Variants in MAN2A2 observed in about 807,000 individuals in gnomAD.
MAN2A2 encodes the protein mannosidase alpha class 2A member 2, also known as alpha-mannosidase 2x.
MAN2A2 carries 79 observed loss-of-function variants against 126.8 expected under a neutral mutation model. The ratio of observed to expected loss-of-function variants is 0.62; its 90% CI spans 0.52 to 0.75. The LOEUF (loss-of-function observed/expected upper bound fraction) is 0.75. Ranked by LOEUF, MAN2A2 falls within the 30% of genes least tolerant of loss-of-function variation. The pLI is 0.00. For synonymous variants in MAN2A2, 671 were observed against 618.7 expected (o/e 1.08, Z -1.25); for missense variants, 1,392 against 1,522.4 (o/e 0.91, Z 1.43).
At chr15:90,916,420 C>T in intron 20 of MAN2A2, 164 bp downstream of exon 20, 2 of 1,107,324 alleles carry the variant, frequency 1.8e-6, no homozygotes, top group South Asian at 3.0e-5. Context: ...TTTTGTGTCC[C>T]ATCTCACGCA....
At chr15:90,907,178 ACT>A (rs1202988626) in intron 7 of MAN2A2, 129 bp from the exon 8 acceptor site, 4 of 974,732 alleles carry the variant, frequency 4.1e-6, no homozygotes, top group Non-Finnish European at 6.1e-6. Context: ...TGGCCTACAC[ACT>A]CTCTCCAGCC....
At chr15:90,909,558 T>A (rs2034558823) in intron 9 of MAN2A2, 54 bp downstream of exon 9, 11 of 1,536,254 alleles carry the variant, frequency 7.2e-6, no homozygotes, top group Non-Finnish European at 9.7e-6. Flanking sequence ...GCCCATCCCT[T>A]CCCGTGAGAC....
chr15:90,912,613 G>T lies in MAN2A2; in HGVS notation c.2418G>T (p.Thr806=). The change falls in exon 16 of 23, where the codon ACG becomes ACT. Residue 806 remains threonine (T), a synonymous_variant. Transcript: ENST00000559717. Reference sequence around the variant, plus strand: ...AGGTCCTTGTCTATGGCACCCGTACGTCCAAAGACAAGAGTGGAGCCTACC... The same window carrying T: ...AGGTCCTTGTCTATGGCACCCGTACTTCCAAAGACAAGAGTGGAGCCTACC... ...DMQVLVYGTR[T]SKDKSGAYLF... is the part of the protein sequence containing the mutation. The T allele has an allele frequency of 6.2e-7, 1 of 1,614,188 alleles. No homozygotes were observed. The highest frequency in any genetic ancestry group is 8.5e-7 in the Non-Finnish European group (1 of 1,180,020).
intron 7 of MAN2A2, 77 bp downstream of exon 7, chr15:90,906,990 C>T (rs780132895): frequency 1.4e-5 from 21 of 1,532,644 alleles, no homozygotes; most frequent in Non-Finnish European, 1.8e-5. Flanking sequence ...AGAACTAAGA[C>T]CCCCACTGTT....
chr15:90,912,897 C>T lies in MAN2A2; in HGVS notation c.2490C>T (p.Pro830=). The T allele has an allele frequency of 2.5e-6, 4 of 1,614,040 alleles. No individual in the cohort carries two copies. Among genetic ancestry groups the T allele is most frequent in the South Asian group, 2.2e-5 (2 of 91,086 alleles). The change falls in exon 17 of 23, where the codon CCC becomes CCT. Residue 830 remains proline (P), a synonymous_variant. Transcript: ENST00000559717. Reference sequence around the variant, plus strand: ...TCTAGCCCTACGTCCCCAAGGAGCCCCCCGTGCTGCGTGTCACTGAAGGCC... The same window carrying T: ...TCTAGCCCTACGTCCCCAAGGAGCCTCCCGTGCTGCGTGTCACTGAAGGCC... ...GEAKPYVPKE[P]PVLRVTEGPF...
At chr15:90,906,935 G>A (rs774288639) in intron 7 of MAN2A2, 22 bp downstream of exon 7, 6 of 1,612,286 alleles carry the variant, frequency 3.7e-6, no homozygotes, top group African/African-American at 2.7e-5. Context: ...TAGGGTAGAG[G>A]GGGTTACTGC....
chr15:90,910,669 G>A lies in MAN2A2; in HGVS notation c.1746G>A (p.Val582=), dbSNP rs1012390974. 7.4e-6 allele frequency: 12 copies of A among 1,614,020 alleles called. No homozygotes were observed. Among genetic ancestry groups the A allele is most frequent in the Non-Finnish European group, 9.3e-6 (11 of 1,180,018 alleles). ...GCACGGCCAAGGAGGCTGTGGTGGTGGACTATGGGGTCAGGTGGGAGCCTT... is the reference window on the plus strand; with the variant it reads ...GCACGGCCAAGGAGGCTGTGGTGGTAGACTATGGGGTCAGGTGGGAGCCTT... ...ITGTAKEAVV[V]DYGVRLLRSL... Residue 582 remains valine, a synonymous_variant, in exon 11 of 23, where the codon GTG becomes GTA. Transcript: ENST00000559717.
Position 90,916,209 on chromosome 15 carries a change from T to A in MAN2A2, c.2947T>A (p.Cys983Ser). ...AGGGCTCAAGGACAACAAGAGAACC[T>A]GCAACCGTTTCCGCCTCCTGCTAGA... The part of the protein sequence containing the change: ...GQGLKDNKRT[C>S]NRFRLLLERR... The change falls in exon 20 of 23, where the codon TGC (cysteine) becomes AGC (serine). Residue 983 changes from cysteine to serine, a missense_variant. Physicochemically the swap from Cys to Ser is moderately radical, Grantham distance 112. Coordinates refer to ENST00000559717, the MANE Select transcript of MAN2A2 (RefSeq NM_006122.4). 2 of 1,614,178 alleles carry A rather than the reference T, an allele frequency of 1.2e-6. No homozygotes were observed. Among genetic ancestry groups the A allele is most frequent in the Non-Finnish European group, 8.5e-7 (1 of 1,180,022 alleles).
intron 22 of MAN2A2, 26 bp from the exon 23 acceptor site, chr15:90,919,609 C>T: frequency 6.2e-7 from 1 of 1,612,710 alleles, no homozygotes; most frequent in East Asian, 2.2e-5. Flanking sequence ...CCTAGCACAA[C>T]CCTGCCCCTT....
At position 90,910,976 on chromosome 15, in the gene MAN2A2, G is replaced by T; in HGVS notation, c.1875+15G>T. 6.2e-7 allele frequency: 1 copy of T among 1,601,256 alleles called. No homozygotes were observed. Among genetic ancestry groups the T allele is most frequent in the Non-Finnish European group, 8.6e-7 (1 of 1,168,976 alleles). On this transcript the variant is annotated intron_variant, in intron 12 of 22. Coordinates refer to ENST00000559717, the MANE Select transcript of MAN2A2 (RefSeq NM_006122.4). Reference sequence around the variant, plus strand: ...TCCTCCAAGTGGTGAGCCCCTCCTGGGTCTGCATGGGGACCCTCTGGTGTG... The same window carrying T: ...TCCTCCAAGTGGTGAGCCCCTCCTGTGTCTGCATGGGGACCCTCTGGTGTG...
In MAN2A2 at chr15:90,919,657, A is replaced by G. The variant is rs200492909; in HGVS notation, c.3323A>G (p.His1108Arg). The change falls in exon 23 of 23, where the codon CAT (histidine) becomes CGT (arginine). Residue 1108 changes from histidine to arginine, a missense_variant. By Grantham distance (29) the His-to-Arg change is conservative. Coordinates refer to ENST00000559717, the MANE Select transcript of MAN2A2 (RefSeq NM_006122.4). ...CAGGTAGCCCTGGGCAGCCTTTTCCATGGCCTGGATGTGGTATTCCTTCAG... is the reference window on the plus strand; with the variant it reads ...CAGGTAGCCCTGGGCAGCCTTTTCCGTGGCCTGGATGTGGTATTCCTTCAG... ...QGKVALGSLF[H>R]GLDVVFLQPT... 6.8e-6 allele frequency: 11 copies of G among 1,614,002 alleles called. No homozygotes were observed. Among genetic ancestry groups the G allele is most frequent in the South Asian group, 2.2e-5 (2 of 91,066 alleles).
chr15:90,918,110 A>G, intron 20 of MAN2A2, 84 bp from the exon 21 acceptor site: 1 of 1,322,034 alleles, frequency 7.6e-7, no homozygotes. Flanking sequence ...AAAACAACTG[A>G]CCTGGGTGTG....
intron 7 of MAN2A2, 168 bp downstream of exon 7, chr15:90,907,081 T>G: frequency 1.1e-6 from 1 of 940,642 alleles, no homozygotes; most frequent in Non-Finnish European, 1.6e-6. Flanking sequence ...CATATTGACC[T>G]CTGGCCTCTA....
intron 7 of MAN2A2, 138 bp downstream of exon 7, chr15:90,907,051 CCCTCTGGTTAGGGGAGGGCCATATTGA>C: frequency 1.7e-6 from 2 of 1,157,478 alleles, no homozygotes; most frequent in Non-Finnish European, 2.5e-6. Context: ...AATGGTCGCA[CCCTCTGGTTAGGGGAGGGCCATATTGA>C]CCTCTGGCCT....
intron 14 of MAN2A2, 75 bp downstream of exon 14, chr15:90,911,625 T>TC (rs958258078): frequency 1.4e-6 from 2 of 1,456,610 alleles, no homozygotes; most frequent in African/African-American, 2.8e-5. Flanking sequence ...GACGCCAGCC[T>TC]CCCACCCTCC....
In MAN2A2 at chr15:90,913,330, A is replaced by G. The variant is rs747106175; in HGVS notation, c.2642A>G (p.Asn881Ser). The change falls in exon 18 of 23, where the codon AAC becomes AGC. Residue 881 changes from asparagine (N) to serine (S), a missense_variant. Asn to Ser is a conservative substitution (Grantham distance 46). Transcript: ENST00000559717. ...CTGGTGGACATCCGGGACTACGTCA[A>G]CAAGGAGCTGGCCCTGCACATCCAT... Reference protein sequence around the residue: ...SSLVDIRDYVNKELALHIHTD... With the variant: ...SSLVDIRDYVSKELALHIHTD... 6.2e-7 allele frequency: 1 copy of G among 1,613,668 alleles called. No homozygotes were observed. The highest frequency in any genetic ancestry group is 1.3e-5 in the African/African-American group (1 of 75,038).
In MAN2A2 at chr15:90,919,878, G is replaced by A. The variant is rs1404659394; in HGVS notation, c.*91G>A. 24 of 1,455,852 alleles carry A rather than the reference G, an allele frequency of 1.6e-5. No homozygotes were observed. The highest frequency in any genetic ancestry group is 4.2e-4 in the Middle Eastern group (2 of 4,756). 90.2% of individuals were successfully genotyped at this position (1,455,852 alleles called of 1,614,324 possible). A position where few individuals can be genotyped will look rare whatever the true frequency, so the allele number is the denominator to read the frequency against. On this transcript the variant is annotated 3_prime_UTR_variant, in exon 23 of 23. Coordinates refer to ENST00000559717, the MANE Select transcript of MAN2A2 (RefSeq NM_006122.4). ...ACAAGCCACACGGGTATCCCATCCC[G>A]ATCTGCCTCCCAGAACTGTGACACA...
intron 22 of MAN2A2, among the ~76,000 whole-genome samples, 181 bp from the exon 23 acceptor site, chr15:90,919,454 G>C (rs540125523): frequency 6.6e-6 from 1 of 152,316 alleles, no homozygotes; most frequent in South Asian, 2.1e-4. Context: ...GGCCAGGCTG[G>C]TCTCGAACTC....
At chr15:90,914,207 A>G (rs140998299) in intron 19 of MAN2A2, among the ~76,000 whole-genome samples, 19 of 152,308 alleles carry the variant, frequency 1.2e-4, no homozygotes, top group African/African-American at 2.6e-4. Context: ...GCACGTGCCT[A>G]TAGTCCCAGC....
Sources: gnomAD v4.1 joint callset for allele counts (sites outside exome capture counted in the v4.1 genomes callset) on GRCh38, gnomAD v4.1.1 for gene constraint, MANE v1.5 for transcripts, NCBI Gene and HGNC (gene_info 2026-07-23, HGNC 2026-07-21) for gene names.